Variants in SH2B1 observed in about 807,000 individuals in gnomAD.
SH2B1 encodes SH2B adaptor protein 1.
In SH2B1, 15 loss-of-function variants were observed where a neutral mutation model predicts 62.6. The ratio of observed to expected loss-of-function variants is 0.24; its 90% CI spans 0.16 to 0.37. The LOEUF is 0.37. SH2B1 is among the 10% of genes least tolerant of loss of function. The pLI is 1.00. For synonymous variants in SH2B1, 443 were observed against 438.0 expected (o/e 1.01, Z -0.14); for missense variants, 925 against 1,015.6 (o/e 0.91, Z 1.21).
At position 28,863,956 on chromosome 16, in the gene SH2B1, A is replaced by T; in HGVS notation, c.-2139A>T. The stretch of plus-strand genomic sequence containing the variant: ...GGGACCGAGATGCAGGTGGGACCGG[A>T]ACCGGAACCCCCCTCTTCAAGTACC... On this transcript the variant is annotated 5_prime_UTR_variant, in exon 1 of 8. Transcript: ENST00000684370. 6.9e-7 allele frequency: 1 copy of T among 1,454,552 alleles called. No homozygotes were observed. The highest frequency in any genetic ancestry group is 9.0e-7 in the Non-Finnish European group (1 of 1,111,016). The allele number at this position is 1,454,552 out of a possible 1,614,324, so 90.1% of individuals were successfully genotyped here. A position where few individuals can be genotyped will look rare whatever the true frequency, so the allele number is the denominator to read the frequency against.
intron 1 of SH2B1, among the ~76,000 whole-genome samples, chr16:28,847,572 G>A (rs539986528): frequency 1.3e-5 from 2 of 152,214 alleles, no homozygotes; most frequent in East Asian, 3.9e-4. Context: ...AGTCCCAGCA[G>A]TTTGGGAGGC....
intron 1 of SH2B1, among the ~76,000 whole-genome samples, chr16:28,852,233 C>CAT (rs1186183581): frequency 4.6e-5 from 3 of 65,520 alleles, no homozygotes; most frequent in African/African-American, 1.6e-4. Flanking sequence ...TATATATTTA[C>CAT]ATATATATAT....
chr16:28,869,445 C>A, intron 4 of SH2B1, 62 bp downstream of exon 4: 1 of 1,487,046 alleles, frequency 6.7e-7, no homozygotes, highest in Non-Finnish European at 9.2e-7. Flanking sequence ...CCCCTGCTGT[C>A]AGGCGCCATG....
Position 28,866,729 on chromosome 16 carries a change from G to A in SH2B1, c.635G>A (p.Gly212Glu). ...GGCGGGGCTGGGACCGTTGGTAGGG[G>A]ACTGGTCAGTGATGGAACGTCCCCT... ...SSGGAGTVGRGLVSDGTSPGE... is the reference protein window; with the variant it reads ...SSGGAGTVGRELVSDGTSPGE... The change falls in exon 1 of 8, where the codon GGA (glycine) becomes GAA (glutamate). Residue 212 changes from glycine to glutamate, a missense_variant. Gly to Glu is a moderately conservative substitution (Grantham distance 98). Around this residue, in one of 3 missense-constraint regions of SH2B1, gnomAD observed 683 missense variants for 704.0 expected, o/e 0.97. Transcript: ENST00000684370. This position sits in a 1 kb window ranked among gnomAD's most constrained non-coding sequence, Gnocchi z 6.3. 6.3e-7 allele frequency: 1 copy of A among 1,584,196 alleles called. No individual in the cohort carries two copies. Among genetic ancestry groups the A allele is most frequent in the Non-Finnish European group, 8.6e-7 (1 of 1,165,198 alleles).
At chr16:28,850,456 C>A (rs1215009379) in intron 1 of SH2B1, among the ~76,000 whole-genome samples, 1 of 152,164 alleles carries the variant, frequency 6.6e-6, no homozygotes, top group African/African-American at 2.4e-5. Flanking sequence ...ATCCCAGTTA[C>A]TGGGGAGGCT....
chr16:28,866,175 G>A lies in SH2B1; in HGVS notation c.81G>A (p.Arg27=). The A allele has an allele frequency of 6.4e-7, 1 of 1,563,190 alleles. No individual in the cohort carries two copies. The highest frequency in any genetic ancestry group is 8.6e-7 in the Non-Finnish European group (1 of 1,156,338). Residue 27 remains arginine (R), a synonymous_variant, in exon 1 of 8, where the codon CGG becomes CGA. Transcript: ENST00000684370. This position sits in a 1 kb window ranked among gnomAD's most constrained non-coding sequence, Gnocchi z 6.3. ...PLPPPPPPSW[R]EFCESHARAA... Reference sequence around the variant, plus strand: ...CCCCACCCCCGCCCCCTAGTTGGCGGGAGTTCTGTGAGTCCCACGCCCGGG... The same window carrying A: ...CCCCACCCCCGCCCCCTAGTTGGCGAGAGTTCTGTGAGTCCCACGCCCGGG...
intron 1 of SH2B1, among the ~76,000 whole-genome samples, chr16:28,854,980 A>G (rs1056067846): frequency 6.6e-6 from 1 of 151,774 alleles, no homozygotes; most frequent in Non-Finnish European, 1.5e-5. Context: ...GGTTCAAGCG[A>G]TTCTCCTGCC....
upstream of SH2B1, among the ~76,000 whole-genome samples, chr16:28,859,628 A>G (rs1962391941): frequency 6.6e-6 from 1 of 151,954 alleles, no homozygotes; most frequent in South Asian, 2.1e-4. Flanking sequence ...GGACTGCCTC[A>G]GCCCAGGAGT....
Position 28,871,847 on chromosome 16 carries a change from C to T in SH2B1, c.1377C>T (p.Ala459=). The T allele has an allele frequency of 1.2e-6, 2 of 1,613,858 alleles. No individual in the cohort carries two copies. The highest frequency in any genetic ancestry group is 1.1e-5 in the South Asian group (1 of 91,070). Residue 459 remains alanine, a synonymous_variant, in exon 5 of 8, where the codon GCC becomes GCT. Transcript: ENST00000684370. ...SISPSSASIA[A]SHFDSMELLP... ...CCCCCAGCTCTGCCTCCATTGCCGC[C>T]TCCCATTTTGACTCGATGGAACTGC...
chr16:28,852,844 A>C (rs1418633702), intron 1 of SH2B1, among the ~76,000 whole-genome samples: 1 of 41,632 alleles, frequency 2.4e-5, no homozygotes, highest in African/African-American at 9.2e-5. Flanking sequence ...ATATATACAT[A>C]TATATATTTT....
At chr16:28,852,948 A>T (rs1393361529) in intron 1 of SH2B1, among the ~76,000 whole-genome samples, 1 of 49,700 alleles carries the variant, frequency 2.0e-5, no homozygotes, top group African/African-American at 7.7e-5. Context: ...GTACATATAT[A>T]TTTTATATAT....
chr16:28,855,956 C>T (rs1300866543), intron 1 of SH2B1, among the ~76,000 whole-genome samples: 1 of 150,136 alleles, frequency 6.7e-6, no homozygotes, highest in East Asian at 2.1e-4. Flanking sequence ...CAGGTGTGAG[C>T]CACCGCGCCC....
intron 1 of SH2B1, among the ~76,000 whole-genome samples, chr16:28,853,280 A>G (rs1398700225): frequency 6.8e-6 from 1 of 147,780 alleles, no homozygotes; most frequent in Non-Finnish European, 1.5e-5. Context: ...GGGCACTGCA[A>G]CCTGCAACCT....
chr16:28,849,984 T>C (rs576308329), intron 1 of SH2B1, among the ~76,000 whole-genome samples: 3 of 152,148 alleles, frequency 2.0e-5, no homozygotes, highest in Non-Finnish European at 4.4e-5. Context: ...TGGAAGGTAG[T>C]GAATGAATGG....
Position 28,873,419 on chromosome 16 carries a change from AGTCT to A in SH2B1, c.1898-25_1898-22del. On this transcript the variant is annotated intron_variant, in intron 7 of 7. Transcript: ENST00000684370. This position sits in a 1 kb window ranked among gnomAD's most constrained non-coding sequence, Gnocchi z 4.2. Reference sequence around the variant, plus strand: ...CAGGAGCTCACCTGCCTCCACAATCAGTCTGTTTTCTTACCATTCCTATCCAGAA... The same window carrying A: ...CAGGAGCTCACCTGCCTCCACAATCAGTTTTCTTACCATTCCTATCCAGAA... 6.3e-7 allele frequency: 1 copy of A among 1,577,520 alleles called. No homozygotes were observed. Among genetic ancestry groups the A allele is most frequent in the East Asian group, 2.3e-5 (1 of 44,364 alleles).
chr16:28,848,781 C>CCTGCCTCA (rs1244918967), intron 1 of SH2B1, among the ~76,000 whole-genome samples: 2 of 150,936 alleles, frequency 1.3e-5, no homozygotes, highest in Non-Finnish European at 2.9e-5. Context: ...AAGCGATTCT[C>CCTGCCTCA]CTGCCTCAGC....
rs146209492 is a variant in SH2B1 at position 28,869,989 on chromosome 16, G to C, written c.1309+606G>C. Among the ~76,000 whole-genome samples the C allele has an allele frequency of 7.7e-4, 118 of 152,356 alleles. No individual in the cohort carries two copies. The East Asian group carries it at 0.019, about 25-fold the overall frequency. ...CATGAATCATGGAATCTTAGATCTA[G>C]AGTGGACCTTGCATCTCATCAGATC... On this transcript the variant is annotated intron_variant, in intron 4 of 7. Transcript: ENST00000684370.
chr16:28,853,393 C>T (rs1297118542), intron 1 of SH2B1, among the ~76,000 whole-genome samples: 1 of 150,196 alleles, frequency 6.7e-6, no homozygotes, highest in African/African-American at 2.4e-5. Flanking sequence ...TTAGTGGAGA[C>T]GAGGTTTCAC....
chr16:28,859,772 C>CTGAGACCAAGTTCAAATCAACATTGTT (rs1247111070), upstream of SH2B1, among the ~76,000 whole-genome samples: 2 of 151,892 alleles, frequency 1.3e-5, no homozygotes, highest in African/African-American at 4.8e-5. Flanking sequence ...CTAAAAGAGA[C>CTGAGACCAAGTTCAAATCAACATTGTT]TGAGACCAAG....
Sources: allele counts gnomAD v4.1 joint callset (sites outside exome capture counted in the v4.1 genomes callset), GRCh38; gene constraint gnomAD v4.1.1; regional missense constraint gnomAD v4.1.1; non-coding constraint Gnocchi (gnomAD v3.1); transcripts MANE v1.5; gene names NCBI Gene and HGNC (gene_info 2026-07-23, HGNC 2026-07-21).